TRIM24: variants seen among roughly 807,000 people sequenced by gnomAD.
The protein encoded by TRIM24 is transcription intermediary factor 1-alpha.
In TRIM24, 29 loss-of-function variants were observed where a neutral mutation model predicts 123.9. That is an observed-to-expected ratio of 0.23 (90% CI 0.17 to 0.32). The LOEUF (loss-of-function observed/expected upper bound fraction) is 0.32. TRIM24 is among the 10% of genes least tolerant of loss of function. The pLI, the probability that TRIM24 is intolerant of heterozygous loss-of-function variation, is 1.00. For synonymous variants in TRIM24, 456 were observed against 461.1 expected (o/e 0.99, Z 0.14); for missense variants, 932 against 1,295.3 (o/e 0.72, Z 4.31).
At chr7:138,528,763 A>C (rs2116583921) in intron 5 of TRIM24, among the ~76,000 whole-genome samples, 1 of 138,064 alleles carries the variant, frequency 7.2e-6, no homozygotes, top group East Asian at 2.2e-4. Flanking sequence ...TGGTTTATAA[A>C]TCCTTTTTGG....
At chr7:138,481,922 A>G (rs1795535102) in intron 1 of TRIM24, among the ~76,000 whole-genome samples, 2 of 152,196 alleles carry the variant, frequency 1.3e-5, no homozygotes, top group Non-Finnish European at 2.9e-5. Context: ...GTGAGGTTGC[A>G]GTCCAGTTTC....
chr7:138,530,576 C>T (rs1796710323), intron 6 of TRIM24, among the ~76,000 whole-genome samples: 1 of 152,068 alleles, frequency 6.6e-6, no homozygotes, highest in African/African-American at 2.4e-5. Flanking sequence ...AGGTGATCTT[C>T]TCATTGCAGC....
chr7:138,506,327 C>CTT (rs1184523231), intron 2 of TRIM24, among the ~76,000 whole-genome samples: 1 of 152,172 alleles, frequency 6.6e-6, no homozygotes, highest in Non-Finnish European at 1.5e-5. Flanking sequence ...GTGTTGAGCA[C>CTT]TTAAGTCCTC....
rs1273236108 is a variant in TRIM24 at position 138,554,940 on chromosome 7, A to G, written c.1504A>G (p.Ile502Val). The G allele has an allele frequency of 3.1e-6, 5 of 1,614,122 alleles. No homozygotes were observed. In the East Asian group the frequency reaches 6.7e-5, roughly 22 times the overall value. The change falls in exon 9 of 19, where the codon ATC (isoleucine) becomes GTC (valine). Residue 502 changes from isoleucine (I) to valine (V), a missense_variant. Coordinates refer to ENST00000343526, the MANE Select transcript of TRIM24 (RefSeq NM_015905.3). The surrounding 1 kb of genome is among the most constrained non-coding windows in gnomAD (Gnocchi z 4.5). ...GLPNPRMQGP[I>V]QQPSISHQQP... The stretch of plus-strand genomic sequence containing the variant: ...ACCAAACCCTAGAATGCAGGGGCCC[A>G]TCCAGCAACCTTCCATCTCTCATCA...
intron 4 of TRIM24, among the ~76,000 whole-genome samples, chr7:138,522,260 C>T (rs952121425): frequency 2.0e-5 from 3 of 151,682 alleles, no homozygotes; most frequent in Non-Finnish European, 4.4e-5. Flanking sequence ...CACTCGAACC[C>T]AGGAGGTGGA....
chr7:138,580,712 T>A lies in TRIM24; in HGVS notation c.2718+18T>A, dbSNP rs1200187354. On this transcript the variant is annotated intron_variant, in intron 16 of 18. Coordinates refer to ENST00000343526, the MANE Select transcript of TRIM24 (RefSeq NM_015905.3). ...ATAAAAGGGTAAGTCTTTGGTAAGA[T>A]GCATTATTGTATTGTAGTGCAATAT... The A allele has an allele frequency of 6.2e-7, 1 of 1,610,492 alleles. No homozygotes were observed. The highest frequency in any genetic ancestry group is 2.2e-5 in the East Asian group (1 of 44,804).
intron 12 of TRIM24, among the ~76,000 whole-genome samples, chr7:138,575,900 T>C (rs1305064840): frequency 6.6e-6 from 1 of 152,166 alleles, no homozygotes; most frequent in Non-Finnish European, 1.5e-5. Flanking sequence ...TTACTTGGTT[T>C]TCTTTTTTGA....
intron 2 of TRIM24, chr7:138,514,687 A>T (rs967743797): frequency 6.6e-6 from 1 of 152,182 alleles, no homozygotes; most frequent in East Asian, 1.9e-4. Flanking sequence ...GATTTCCTTT[A>T]TGGTAATTCT....
chr7:138,475,685 A>ATTC (rs1479867564), intron 1 of TRIM24, among the ~76,000 whole-genome samples: 3 of 152,144 alleles, frequency 2.0e-5, no homozygotes, highest in African/African-American at 7.2e-5. Flanking sequence ...TAATTTTGGT[A>ATTC]TTCTTGGTAG....
chr7:138,565,706 T>C (rs1463697754), intron 9 of TRIM24, among the ~76,000 whole-genome samples: 2 of 152,200 alleles, frequency 1.3e-5, no homozygotes, highest in East Asian at 3.9e-4. Flanking sequence ...GGCTAGGCCC[T>C]GAACAAAGAC....
At chr7:138,461,305 C>G in intron 1 of TRIM24, 1 of 530,128 alleles carries the variant, frequency 1.9e-6, no homozygotes, top group Non-Finnish European at 3.7e-6. Context: ...TTGTCCAGGT[C>G]CATATGATCC....
intron 6 of TRIM24, among the ~76,000 whole-genome samples, chr7:138,536,792 G>A (rs551768519): frequency 6.6e-6 from 1 of 152,338 alleles, no homozygotes; most frequent in South Asian, 2.1e-4. Context: ...CCTTTTGTTT[G>A]GCTATGCCCT....
chr7:138,487,380 A>G (rs924657797), intron 1 of TRIM24, among the ~76,000 whole-genome samples: 19 of 152,318 alleles, frequency 1.2e-4, no homozygotes, highest in African/African-American at 4.3e-4. Context: ...ACTATGTTGA[A>G]CAGGAGTGGT....
At chr7:138,516,503 C>T (rs1021638335) in intron 3 of TRIM24, among the ~76,000 whole-genome samples, 3 of 152,074 alleles carry the variant, frequency 2.0e-5, no homozygotes, top group African/African-American at 7.2e-5. Flanking sequence ...TACAGGTGTG[C>T]GCCACCATGT....
At chr7:138,570,694 G>A (rs1797636023) in intron 10 of TRIM24, 136 bp from the exon 11 acceptor site, 2 of 689,928 alleles carry the variant, frequency 2.9e-6, no homozygotes, top group East Asian at 3.1e-5. Flanking sequence ...TACTTGTGCA[G>A]TCTTTTGCTG....
At chr7:138,524,403 G>C (rs1451685638) in intron 4 of TRIM24, among the ~76,000 whole-genome samples, 1 of 152,058 alleles carries the variant, frequency 6.6e-6, no homozygotes, top group East Asian at 1.9e-4. Context: ...AAAAACTTGA[G>C]TTGCCTATAA....
intron 9 of TRIM24, among the ~76,000 whole-genome samples, chr7:138,556,960 CA>C: frequency 6.6e-6 from 1 of 152,158 alleles, no homozygotes; most frequent in East Asian, 1.9e-4. Flanking sequence ...CTTACAGAGG[CA>C]GAACAAAGGC....
intron 2 of TRIM24, among the ~76,000 whole-genome samples, chr7:138,508,710 TGTGTGTGTGC>T (rs1563038929): frequency 2.1e-5 from 2 of 96,236 alleles, no homozygotes; most frequent in African/African-American, 6.7e-5. Context: ...CGTGTGTGCG[TGTGTGTGTGC>T]GTGTGTGTGT....
chr7:138,563,590 G>A (rs1216891723), intron 9 of TRIM24, among the ~76,000 whole-genome samples: 3 of 152,114 alleles, frequency 2.0e-5, no homozygotes, highest in African/African-American at 7.2e-5. Flanking sequence ...TAAGTTGGGT[G>A]GCATTCATGC....
Sources: allele counts gnomAD v4.1 joint callset (sites outside exome capture counted in the v4.1 genomes callset), GRCh38; gene constraint gnomAD v4.1.1; non-coding constraint Gnocchi (gnomAD v3.1); transcripts MANE v1.5; gene names NCBI Gene and HGNC (gene_info 2026-07-23, HGNC 2026-07-21).